Variants in GPC5 observed in about 807,000 individuals in gnomAD.
GPC5 encodes glypican 5, also known as glypican-5.
Under a neutral mutation model 53.9 loss-of-function variants are expected in GPC5, and 47 were observed. That is an observed-to-expected ratio of 0.87 (90% confidence interval 0.69 to 1.11). The LOEUF (loss-of-function observed/expected upper bound fraction) is 1.11. GPC5 is among the 50% of genes most tolerant of loss of function. The pLI is 0.00. For missense variants in GPC5, 748 were observed against 713.1 expected (o/e 1.05, Z -0.56); for synonymous variants, 286 against 263.3 (o/e 1.09, Z -0.84).
intron 2 of GPC5, among the ~76,000 whole-genome samples, chr13:91,565,987 T>G (rs1347741610): frequency 6.6e-6 from 1 of 152,162 alleles, no homozygotes; most frequent in Non-Finnish European, 1.5e-5. Flanking sequence ...CCGTTTCCTT[T>G]GTGTTTGTCT....
At chr13:92,319,843 TC>T (rs1415772632) in intron 7 of GPC5, among the ~76,000 whole-genome samples, 84 of 152,134 alleles carry the variant, frequency 5.5e-4, no homozygotes, top group Non-Finnish European at 1.5e-4. Flanking sequence ...TTGTACCAAA[TC>T]CCATTCCATT....
intron 7 of GPC5, among the ~76,000 whole-genome samples, chr13:92,475,921 A>C (rs1298077426): frequency 6.6e-6 from 1 of 152,080 alleles, no homozygotes; most frequent in African/African-American, 2.4e-5. Context: ...TAAACGTTAG[A>C]CCTAAAACCA....
chr13:92,403,309 C>T (rs990334180), intron 7 of GPC5, among the ~76,000 whole-genome samples: 4 of 152,136 alleles, frequency 2.6e-5, no homozygotes, highest in African/African-American at 4.8e-5. Context: ...CAACTTGGAA[C>T]CCATTAGCAT....
chr13:91,996,800 GTCTC>G (rs1284253544), intron 6 of GPC5, among the ~76,000 whole-genome samples: 1 of 152,002 alleles, frequency 6.6e-6, no homozygotes, highest in Admixed American at 6.5e-5. Context: ...TTTTTTGTCT[GTCTC>G]CTTTCATTGA....
At chr13:92,774,592 A>G (rs1301171848) in intron 7 of GPC5, among the ~76,000 whole-genome samples, 1 of 152,120 alleles carries the variant, frequency 6.6e-6, no homozygotes, top group African/African-American at 2.4e-5. Flanking sequence ...ACCTAAATCC[A>G]TCACTAAATG....
At chr13:91,683,177 A>G (rs1400475916) in intron 2 of GPC5, among the ~76,000 whole-genome samples, 1 of 152,178 alleles carries the variant, frequency 6.6e-6, no homozygotes, top group Non-Finnish European at 1.5e-5. Context: ...ACATGAATAC[A>G]CGCAGAAGAC....
At chr13:91,913,303 G>A (rs1307410279) in intron 6 of GPC5, among the ~76,000 whole-genome samples, 1 of 151,710 alleles carries the variant, frequency 6.6e-6, no homozygotes, top group Admixed American at 6.6e-5. Context: ...GGAGGCTGAG[G>A]CAGAAGAATC....
At chr13:91,737,353 G>A (rs1403071295) in intron 4 of GPC5, among the ~76,000 whole-genome samples, 1 of 151,352 alleles carries the variant, frequency 6.6e-6, no homozygotes, top group Admixed American at 6.6e-5. Context: ...TTTTCCTCAG[G>A]TATCCTTTTT....
chr13:91,808,211 CTT>C (rs1228370938), intron 5 of GPC5, among the ~76,000 whole-genome samples: 1 of 152,138 alleles, frequency 6.6e-6, no homozygotes, highest in Non-Finnish European at 1.5e-5. Flanking sequence ...ATATATAACT[CTT>C]TTGCCTTGAG....
chr13:92,476,893 G>T (rs1879163687), intron 7 of GPC5, among the ~76,000 whole-genome samples: 1 of 118,460 alleles, frequency 8.4e-6, no homozygotes, highest in Non-Finnish European at 1.7e-5. Flanking sequence ...GGGGACTGTT[G>T]TGGGGTGGGG....
intron 7 of GPC5, among the ~76,000 whole-genome samples, chr13:92,578,131 T>A (rs913978248): frequency 6.6e-6 from 1 of 152,106 alleles, no homozygotes; most frequent in African/African-American, 2.4e-5. Context: ...GCAGTAGAGG[T>A]GGACAAGCAT....
At chr13:92,645,310 A>G (rs1259742188) in intron 7 of GPC5, among the ~76,000 whole-genome samples, 2 of 152,052 alleles carry the variant, frequency 1.3e-5, no homozygotes, top group African/African-American at 4.8e-5. Context: ...ATGCCTGGCT[A>G]ATTTCTGTAT....
At chr13:91,819,853 T>C (rs2038462847) in intron 5 of GPC5, among the ~76,000 whole-genome samples, 1 of 152,244 alleles carries the variant, frequency 6.6e-6, no homozygotes, top group Non-Finnish European at 1.5e-5. Context: ...TATCAATTTA[T>C]ACTCTCATGA....
intron 6 of GPC5, among the ~76,000 whole-genome samples, chr13:92,033,463 A>G (rs964262551): frequency 1.3e-5 from 2 of 152,170 alleles, no homozygotes; most frequent in Admixed American, 6.6e-5. Flanking sequence ...TCTGTGTCCA[A>G]CTAAATGGAT....
At chr13:92,106,052 A>C (rs971692461) in intron 6 of GPC5, among the ~76,000 whole-genome samples, 1 of 151,874 alleles carries the variant, frequency 6.6e-6, no homozygotes, top group Non-Finnish European at 1.5e-5. Flanking sequence ...ATTCCTTTTC[A>C]TTTTGTGTAG....
At chr13:92,215,101 C>T (rs1448975314) in intron 7 of GPC5, among the ~76,000 whole-genome samples, 1 of 151,990 alleles carries the variant, frequency 6.6e-6, no homozygotes, top group Non-Finnish European at 1.5e-5. Context: ...TTTTTGAAAC[C>T]CTAAAAGGGA....
At chr13:92,365,301 C>T (rs1340402818) in intron 7 of GPC5, among the ~76,000 whole-genome samples, 3 of 151,604 alleles carry the variant, frequency 2.0e-5, no homozygotes, top group Non-Finnish European at 2.9e-5. Flanking sequence ...CATAGTTAAA[C>T]ATAGAAAAGG....
intron 7 of GPC5, among the ~76,000 whole-genome samples, chr13:92,682,471 TATA>T (rs1213257183): frequency 6.6e-6 from 1 of 152,200 alleles, no homozygotes; most frequent in Non-Finnish European, 1.5e-5. Context: ...CACATGTTAT[TATA>T]ATCTTATTTT....
intron 7 of GPC5, among the ~76,000 whole-genome samples, chr13:92,159,422 A>G (rs77096306): frequency 0.035 from 5,336 of 152,116 alleles, 136 homozygotes; most frequent in Non-Finnish European, 0.053. Context: ...TCTGAGCGCC[A>G]GCAATTTGGG....
Sources: gnomAD v4.1 joint callset for allele counts (sites outside exome capture counted in the v4.1 genomes callset) on GRCh38, gnomAD v4.1.1 for gene constraint, MANE v1.5 for transcripts, NCBI Gene and HGNC (gene_info 2026-07-23, HGNC 2026-07-21) for gene names.